MCU: variants seen among roughly 807,000 people sequenced by gnomAD.
MCU encodes the protein calcium uniporter protein, mitochondrial.
Under a neutral mutation model 45.2 loss-of-function variants are expected in MCU, and 12 were observed. That is an observed-to-expected ratio of 0.27 (90% confidence interval 0.17 to 0.43). The LOEUF is 0.43. Among genes scored for constraint, MCU ranks in the 20% least tolerant of loss-of-function variants. MCU has a pLI of 1.00. For synonymous variants in MCU, 160 were observed against 165.1 expected (o/e 0.97, Z 0.24); for missense variants, 324 against 436.7 (o/e 0.74, Z 2.30).
intron 1 of MCU, among the ~76,000 whole-genome samples, chr10:72,748,089 C>A (rs1195136451): frequency 1.3e-5 from 2 of 151,314 alleles, no homozygotes; most frequent in African/African-American, 2.4e-5. Flanking sequence ...GCTCTGTCGC[C>A]CAGGCTGGAG....
chr10:72,803,116 A>G (rs2132784927), intron 1 of MCU, among the ~76,000 whole-genome samples: 1 of 152,336 alleles, frequency 6.6e-6, no homozygotes, highest in East Asian at 1.9e-4. Context: ...GAGCAAAATT[A>G]CGTGGGTTTT....
intron 7 of MCU, among the ~76,000 whole-genome samples, chr10:72,885,076 G>A (rs1845758046): frequency 1.3e-5 from 2 of 152,078 alleles, no homozygotes; most frequent in African/African-American, 4.8e-5. Context: ...CTTGATGATA[G>A]GGTTGTGCTT....
chr10:72,836,732 T>A (rs1452493177), intron 2 of MCU, among the ~76,000 whole-genome samples: 3 of 152,218 alleles, frequency 2.0e-5, no homozygotes, highest in African/African-American at 7.2e-5. Context: ...CTAATTCATA[T>A]TAGTTATCAA....
intron 1 of MCU, among the ~76,000 whole-genome samples, chr10:72,794,341 A>C (rs148611827): frequency 3.2e-4 from 48 of 152,288 alleles, no homozygotes; most frequent in African/African-American, 1.1e-3. Flanking sequence ...GAGTTACTGA[A>C]TGTTAGCAGT....
At chr10:72,775,088 T>C (rs1843870459) in intron 1 of MCU, among the ~76,000 whole-genome samples, 1 of 152,076 alleles carries the variant, frequency 6.6e-6, no homozygotes, top group South Asian at 2.1e-4. Context: ...TGCTGCAGAA[T>C]ACACATTCTT....
intron 1 of MCU, among the ~76,000 whole-genome samples, chr10:72,792,485 A>G (rs1332030440): frequency 6.6e-6 from 1 of 152,136 alleles, no homozygotes; most frequent in Non-Finnish European, 1.5e-5. Flanking sequence ...GAACAAAGAA[A>G]GGTGGTCAGA....
intron 1 of MCU, among the ~76,000 whole-genome samples, chr10:72,717,127 C>CTTTTTT (rs71021527): frequency 1.6e-4 from 22 of 138,398 alleles, no homozygotes; most frequent in African/African-American, 5.9e-4. Context: ...CTCTCTCTCT[C>CTTTTTT]TTTTTTTTTT....
chr10:72,753,880 C>CA (rs1367202146), intron 1 of MCU, among the ~76,000 whole-genome samples: 16 of 150,318 alleles, frequency 1.1e-4, no homozygotes, highest in African/African-American at 3.2e-4. Context: ...AGACTTTGTC[C>CA]AAAAAAAACA....
chr10:72,842,971 A>G (rs945024943), intron 2 of MCU, among the ~76,000 whole-genome samples: 3 of 152,058 alleles, frequency 2.0e-5, no homozygotes, highest in Non-Finnish European at 4.4e-5. Flanking sequence ...TCAGATTCTC[A>G]GAGGTTAATT....
intron 4 of MCU, among the ~76,000 whole-genome samples, chr10:72,865,905 T>TA (rs1845446478): frequency 6.6e-6 from 1 of 151,686 alleles, no homozygotes; most frequent in Non-Finnish European, 1.5e-5. Flanking sequence ...GCCTCCTGAG[T>TA]AGCTGGGACT....
At chr10:72,741,098 CTTT>C (rs11310286) in intron 1 of MCU, among the ~76,000 whole-genome samples, 28 of 124,666 alleles carry the variant, frequency 2.2e-4, no homozygotes, top group Middle Eastern at 4.0e-3. Flanking sequence ...TTTTCTTTTT[CTTT>C]TTTTTTTTTT....
intron 1 of MCU, among the ~76,000 whole-genome samples, chr10:72,768,072 C>T (rs1232240024): frequency 2.0e-5 from 3 of 151,372 alleles, no homozygotes; most frequent in Admixed American, 6.6e-5. Context: ...AAAAAAGGCT[C>T]ATGAAACAAC....
intron 1 of MCU, among the ~76,000 whole-genome samples, chr10:72,724,852 C>G (rs946163961): frequency 6.6e-6 from 1 of 152,182 alleles, no homozygotes; most frequent in Non-Finnish European, 1.5e-5. Flanking sequence ...GAGATGCCAG[C>G]CTTTTCCCCA....
At chr10:72,860,040 A>T (rs767287115) in intron 3 of MCU, 2 of 173,652 alleles carry the variant, frequency 1.2e-5, no homozygotes, top group Non-Finnish European at 2.5e-5. Context: ...ATTATTGGCA[A>T]CTAATCAGTG....
intron 1 of MCU, among the ~76,000 whole-genome samples, chr10:72,711,547 TAAAAA>T (rs199631324): frequency 2.1e-5 from 3 of 141,086 alleles, no homozygotes; most frequent in South Asian, 2.2e-4. Context: ...TCTTAATACT[TAAAAA>T]AAAAAAAATT....
chr10:72,744,668 T>C (rs1843385785), intron 1 of MCU, among the ~76,000 whole-genome samples: 1 of 152,188 alleles, frequency 6.6e-6, no homozygotes, highest in African/African-American at 2.4e-5. Flanking sequence ...TGCCAACTGG[T>C]CACAGCTTTG....
chr10:72,753,490 TGAGA>T (rs1843530753), intron 1 of MCU, among the ~76,000 whole-genome samples: 2 of 152,206 alleles, frequency 1.3e-5, no homozygotes, highest in Non-Finnish European at 2.9e-5. Context: ...AATCTGAGGC[TGAGA>T]GAGATTATGA....
chr10:72,726,796 T>G (rs1244315167), intron 1 of MCU, among the ~76,000 whole-genome samples: 1 of 152,190 alleles, frequency 6.6e-6, no homozygotes, highest in Non-Finnish European at 1.5e-5. Context: ...CAAGGTCCCT[T>G]CTGGTTCATG....
chr10:72,871,352 C>A, intron 5 of MCU, 25 bp from the exon 6 acceptor site: 1 of 1,608,758 alleles, frequency 6.2e-7, no homozygotes, highest in Non-Finnish European at 8.5e-7. Flanking sequence ...TGTCAAAATG[C>A]CTTATGATTA....
Sources: gnomAD v4.1 joint callset for allele counts (sites outside exome capture counted in the v4.1 genomes callset) on GRCh38, gnomAD v4.1.1 for gene constraint, MANE v1.5 for transcripts, NCBI Gene and HGNC (gene_info 2026-07-23, HGNC 2026-07-21) for gene names.